The following ATRX variants were observed in gnomAD, a reference collection of about 807,000 sequenced individuals.
ATRX encodes chromatin remodeler ATRX.
A neutral mutation model predicts 172.6 loss-of-function variants in ATRX; 12 were observed. The observed-to-expected ratio is 0.07, with a 90% CI of 0.04 to 0.11. The LOEUF (loss-of-function observed/expected upper bound fraction) is 0.11, where lower values mean the gene tolerates loss of function less well. ATRX is among the 10% of genes least tolerant of loss of function. The probability of loss-of-function intolerance (pLI) is 1.00; values close to 1 mark genes in which losing one functional copy is unlikely to be tolerated. For missense variants in ATRX, 1,368 were observed against 1,767.4 expected (o/e 0.77, Z 4.05); for synonymous variants, 674 against 594.7 (o/e 1.13, Z -1.94).
intron 30 of ATRX, among the ~76,000 whole-genome samples, chrX:77,537,680 A>G: frequency 9.0e-6 from 1 of 110,567 alleles, no homozygotes; most frequent in East Asian, 2.8e-4. Context: ...TAAAAAAAAA[A>G]CATATTTCTA....
intron 6 of ATRX, among the ~76,000 whole-genome samples, chrX:77,692,795 T>G (rs1450765311): frequency 1.8e-5 from 2 of 111,133 alleles, no homozygotes; most frequent in Non-Finnish European, 3.8e-5. Flanking sequence ...CTATTATTTC[T>G]AAATGAATCC....
intron 30 of ATRX, among the ~76,000 whole-genome samples, chrX:77,556,378 A>G (rs1203593559): frequency 7.6e-5 from 2 of 26,180 alleles, no homozygotes; most frequent in African/African-American, 1.6e-4. Context: ...AGAGAGGGGA[A>G]GAGGGAGAGG....
intron 30 of ATRX, among the ~76,000 whole-genome samples, chrX:77,538,508 G>A (rs782394286): frequency 7.2e-5 from 8 of 111,078 alleles, no homozygotes; most frequent in Admixed American, 1.9e-4. Flanking sequence ...AAGAAATTAC[G>A]TATTGTGTAC....
At chrX:77,730,495 A>C (rs1306783456) in intron 1 of ATRX, among the ~76,000 whole-genome samples, 1 of 112,039 alleles carries the variant, frequency 8.9e-6, no homozygotes, top group African/African-American at 3.2e-5. Context: ...TGGACCTAAT[A>C]GATATTTACA....
At chrX:77,723,512 T>C (rs1557170513) in intron 1 of ATRX, among the ~76,000 whole-genome samples, 1 of 111,599 alleles carries the variant, frequency 9.0e-6, no homozygotes, top group Non-Finnish European at 1.9e-5. Flanking sequence ...AGGGTTGTTT[T>C]ACAAAATTTT....
Position 77,718,470 on chromosome X carries a change from T to C in ATRX, c.21-1227A>G, listed in dbSNP as rs375755769. ...CTCACTGCAAGCTCTGCCTCCCGGGTTCACACCATTCTCCGGCCTCAGCCT... is the reference window on the plus strand; with the variant it reads ...CTCACTGCAAGCTCTGCCTCCCGGGCTCACACCATTCTCCGGCCTCAGCCT... On this transcript the variant is annotated intron_variant, in intron 1 of 34. Transcript: ENST00000373344. Among the ~76,000 whole-genome samples, 3 of 104,250 alleles carry C rather than the reference T, an allele frequency of 2.9e-5. No individual in the cohort carries two copies. The East Asian group carries it at 9.3e-4, about 32-fold the overall frequency. 90.5% of individuals were successfully genotyped at this position (104,250 alleles called of 115,157 possible). A position where few individuals can be genotyped will look rare whatever the true frequency, so the allele number is the denominator to read the frequency against.
At chrX:77,658,441 G>A (rs2069672260) in intron 12 of ATRX, among the ~76,000 whole-genome samples, 1 of 112,109 alleles carries the variant, frequency 8.9e-6, no homozygotes, top group East Asian at 2.8e-4. Context: ...GTAGATTAAG[G>A]AGACATTATA....
In ATRX at chrX:77,656,541, TA is replaced by T; in HGVS notation, c.4214+18del. On this transcript the variant is annotated intron_variant, in intron 13 of 34. Coordinates refer to ENST00000373344, the MANE Select transcript of ATRX (RefSeq NM_000489.6). ...ATTCAGATTAATTCCTAAAATTTTT[TA>T]AAAACCAATTATAATACCTTGTTCT... 8.4e-7 allele frequency: 1 copy of T among 1,193,280 alleles called. No homozygotes were observed. Among genetic ancestry groups the T allele is most frequent in the Non-Finnish European group, 1.1e-6 (1 of 880,039 alleles).
intron 28 of ATRX, among the ~76,000 whole-genome samples, chrX:77,565,238 T>A (rs998485605): frequency 3.6e-5 from 4 of 111,738 alleles, no homozygotes; most frequent in African/African-American, 1.3e-4. Context: ...TGGTAGGGCG[T>A]CTCATGCCCT....
At chrX:77,778,582 A>G (rs782309324) in intron 1 of ATRX, among the ~76,000 whole-genome samples, 2 of 109,535 alleles carry the variant, frequency 1.8e-5, no homozygotes, top group Non-Finnish European at 3.8e-5. Context: ...TTAGCTAGGC[A>G]TGGTGGCACA....
rs1209795677 is a variant in ATRX, at chrX:77,761,033, C to T, written c.20+24949G>A. On this transcript the variant is annotated intron_variant, in intron 1 of 34. Coordinates refer to ENST00000373344, the MANE Select transcript of ATRX (RefSeq NM_000489.6). ...GTCTTGTTTATTCAACAAGCATTTACTATATGATTATTGTGTGTATTCAGG... is the reference window on the plus strand; with the variant it reads ...GTCTTGTTTATTCAACAAGCATTTATTATATGATTATTGTGTGTATTCAGG... Among the ~76,000 whole-genome samples, 3 of 111,609 alleles carry T rather than the reference C, an allele frequency of 2.7e-5. No individual in the cohort carries two copies. In the Admixed American group the frequency reaches 2.9e-4, roughly 11 times the overall value.
At chrX:77,576,148 C>T (rs782456208) in intron 27 of ATRX, among the ~76,000 whole-genome samples, 24 of 111,575 alleles carry the variant, frequency 2.2e-4, no homozygotes, top group African/African-American at 7.1e-4. Context: ...TACAACCCTA[C>T]TAGTGGTCAA....
intron 22 of ATRX, among the ~76,000 whole-genome samples, chrX:77,607,778 A>T (rs1311325162): frequency 9.1e-6 from 1 of 109,892 alleles, no homozygotes; most frequent in African/African-American, 3.3e-5. Context: ...TGATGCAAGA[A>T]ATGGAAGAGG....
At chrX:77,589,198 C>A (rs1349747186) in intron 27 of ATRX, among the ~76,000 whole-genome samples, 2 of 111,961 alleles carry the variant, frequency 1.8e-5, no homozygotes, top group African/African-American at 6.5e-5. Context: ...TGTGACTGGT[C>A]CAGAATATAT....
chrX:77,735,598 C>CTAAA (rs200045391), intron 1 of ATRX, among the ~76,000 whole-genome samples: 11,508 of 60,062 alleles, frequency 0.19, 1,797 homozygotes, highest in Non-Finnish European at 0.22. Context: ...TCTCAAAAAA[C>CTAAA]TAAATAAATA....
At chrX:77,785,479 C>T (rs2076702125) in intron 1 of ATRX, among the ~76,000 whole-genome samples, 1 of 109,297 alleles carries the variant, frequency 9.1e-6, no homozygotes, top group African/African-American at 3.3e-5. Context: ...AAAAAAAATC[C>T]CGCAGGGCCC....
intron 22 of ATRX, among the ~76,000 whole-genome samples, chrX:77,601,099 C>A (rs782137476): frequency 9.0e-6 from 1 of 111,200 alleles, no homozygotes; most frequent in Non-Finnish European, 1.9e-5. Context: ...AGATTACAAA[C>A]TCCTGTTATA....
At chrX:77,766,848 A>T (rs1427542427) in intron 1 of ATRX, among the ~76,000 whole-genome samples, 15 of 111,832 alleles carry the variant, frequency 1.3e-4, no homozygotes, top group African/African-American at 4.5e-4. Context: ...CAATCTCGGC[A>T]CTTTGGGAGG....
Position 77,696,653 on chromosome X carries a change from C to T in ATRX, c.294G>A (p.Leu98=). 1.7e-6 allele frequency: 2 copies of T among 1,199,863 alleles called. No homozygotes were observed. Among genetic ancestry groups the T allele is most frequent in the Non-Finnish European group, 2.3e-6 (2 of 885,266 alleles). The change falls in exon 5 of 35, where the codon TTG becomes TTA. Residue 98 remains leucine, a synonymous_variant. Coordinates refer to ENST00000373344, the MANE Select transcript of ATRX (RefSeq NM_000489.6). ...CATCTTCATTTACAGTTTCATCATC[C>T]AAAGGTTTTTCATCATCTGATTCTA... ...KYVESDDEKP[L]DDETVNEDAS... is the part of the protein sequence containing the mutation.
Sources: gnomAD v4.1 joint callset for allele counts (sites outside exome capture counted in the v4.1 genomes callset) on GRCh38, gnomAD v4.1.1 for gene constraint, MANE v1.5 for transcripts, NCBI Gene and HGNC (gene_info 2026-07-23, HGNC 2026-07-21) for gene names.